The following PSMD4 variants were observed in gnomAD, a reference collection of about 807,000 sequenced individuals.
PSMD4 encodes 26S proteasome non-ATPase regulatory subunit 4.
A neutral mutation model predicts 39.7 loss-of-function variants in PSMD4; 5 were observed. The ratio of observed to expected loss-of-function variants is 0.13; its 90% CI spans 0.07 to 0.26. The LOEUF is 0.26. PSMD4 is among the 10% of genes least tolerant of loss of function. The pLI, the probability that PSMD4 is intolerant of heterozygous loss-of-function variation, is 1.00. For synonymous variants in PSMD4, 143 were observed against 174.6 expected (o/e 0.82, Z 1.43); for missense variants, 272 against 486.1 (o/e 0.56, Z 4.14).
At chr1:151,262,598 G>C (rs1223893210) in intron 2 of PSMD4, 3 of 336,162 alleles carry the variant, frequency 8.9e-6, no homozygotes, top group African/African-American at 2.1e-5. Context: ...TTTTGGGCTG[G>C]GCACAGTGGC....
At chr1:151,256,513 A>C (rs1693174772) in intron 1 of PSMD4, among the ~76,000 whole-genome samples, 1 of 139,960 alleles carries the variant, frequency 7.1e-6, no homozygotes, top group African/African-American at 2.7e-5. Context: ...ATCTCAGCTC[A>C]CTGCAACCTC....
At chr1:151,256,449 T>C (rs1324471650) in intron 1 of PSMD4, among the ~76,000 whole-genome samples, 2 of 149,580 alleles carry the variant, frequency 1.3e-5, no homozygotes, top group African/African-American at 2.4e-5. Context: ...TTTTTTTTTT[T>C]CTCTTTGAGA....
Position 151,264,009 on chromosome 1 carries a change from C to T in PSMD4, c.263C>T (p.Thr88Met), listed in dbSNP as rs761401984. The T allele has an allele frequency of 6.3e-6, 10 of 1,599,594 alleles. No individual in the cohort carries two copies. Among genetic ancestry groups the T allele is most frequent in the African/African-American group, 1.3e-5 (1 of 74,402 alleles). Reference sequence around the variant, plus strand: ...CCCAAGGGCAAGATCACCTTCTGCACGGGCATCCGCGTGGCCCATGTGAGT... The same window carrying T: ...CCCAAGGGCAAGATCACCTTCTGCATGGGCATCCGCGTGGCCCATGTGAGT... ...VQPKGKITFC[T>M]GIRVAHLALK... Residue 88 changes from threonine (T) to methionine (M), a missense_variant, in exon 3 of 10, where the codon ACG becomes ATG. By Grantham distance (81) the Thr-to-Met change is moderately conservative. Coordinates refer to ENST00000368884, the MANE Select transcript of PSMD4 (RefSeq NM_002810.4).
chr1:151,254,833 G>T, intron 1 of PSMD4, 25 bp downstream of exon 1: 5 of 1,500,142 alleles, frequency 3.3e-6, no homozygotes, highest in Non-Finnish European at 4.4e-6. Flanking sequence ...CGGGGCAGGA[G>T]GGGCAGAGCT....
rs955855484 is a variant in PSMD4 at position 151,263,824 on chromosome 1, C to T, written c.168-90C>T. The T allele has an allele frequency of 1.4e-5, 13 of 925,980 alleles. No individual in the cohort carries two copies. The East Asian group carries it at 1.8e-4, about 13-fold the overall frequency. 57.4% of individuals were successfully genotyped at this position (925,980 alleles called of 1,614,324 possible). On this transcript the variant is annotated intron_variant, in intron 2 of 9. Transcript: ENST00000368884. ...CAGCCTGGGTGACAGAGTGAGACTC[C>T]GTCTAAAAAATAAATAAATAAAAGT...
chr1:151,259,220 A>G (rs1468876333), intron 1 of PSMD4: 2 of 152,158 alleles, frequency 1.3e-5, no homozygotes, highest in Non-Finnish European at 2.9e-5. Context: ...TACCCTAGAC[A>G]GGTTGAGTAT....
chr1:151,254,888 G>A, intron 1 of PSMD4, 80 bp downstream of exon 1: 1 of 1,288,678 alleles, frequency 7.8e-7, no homozygotes, highest in Non-Finnish European at 1.0e-6. Context: ...GGCCTGGGGT[G>A]GGGGCCAGGG....
At chr1:151,257,156 A>G (rs1340367754) in intron 1 of PSMD4, among the ~76,000 whole-genome samples, 1 of 152,228 alleles carries the variant, frequency 6.6e-6, no homozygotes. Context: ...TCTTCTGCAT[A>G]TGGCTAGCCT....
rs758283420 is a variant in PSMD4, at chr1:151,256,355, AATAAT to A, written c.26+1549_26+1553del. On this transcript the variant is annotated intron_variant, in intron 1 of 9. Transcript: ENST00000368884. Reference sequence around the variant, plus strand: ...TGAGACTCCCTCTCAAAAAAAAAAAAATAATAATAAAATAAATAAATAAATAAATA... The same window carrying A: ...TGAGACTCCCTCTCAAAAAAAAAAAAAATAAAATAAATAAATAAATAAATA... Among the ~76,000 whole-genome samples the A allele has an allele frequency of 2.2e-3, 156 of 72,042 alleles. 12 individuals carry two copies. Among genetic ancestry groups the A allele is most frequent in the South Asian group, 0.018 (43 of 2,396 alleles). The allele number at this position is 72,042 out of a possible 152,430, so 47.3% of individuals were successfully genotyped here.
At chr1:151,257,120 G>C (rs1693193621) in intron 1 of PSMD4, among the ~76,000 whole-genome samples, 1 of 152,204 alleles carries the variant, frequency 6.6e-6, no homozygotes, top group Admixed American at 6.5e-5. Context: ...TTTTGTGTAT[G>C]GTATAAGAAA....
chr1:151,256,360 T>TA (rs1558319332), intron 1 of PSMD4, among the ~76,000 whole-genome samples: 47 of 51,078 alleles, frequency 9.2e-4, no homozygotes, highest in African/African-American at 3.6e-3. Flanking sequence ...AAAAAAATAA[T>TA]AATAAAATAA....
chr1:151,255,450 G>C (rs1338692217), intron 1 of PSMD4, among the ~76,000 whole-genome samples: 3 of 152,158 alleles, frequency 2.0e-5, no homozygotes, highest in African/African-American at 4.8e-5. Flanking sequence ...TGACACAAAG[G>C]CTTTATCCGG....
In PSMD4 at chr1:151,266,203, G is replaced by T. The variant is rs760817171; in HGVS notation, c.763+91G>T. Reference sequence around the variant, plus strand: ...CACTGCAGGGAGAGTGTGGAGGTCTGACAGGGTAGGAATATGTGGGAGGGC... The same window carrying T: ...CACTGCAGGGAGAGTGTGGAGGTCTTACAGGGTAGGAATATGTGGGAGGGC... On this transcript the variant is annotated intron_variant, in intron 7 of 9. Transcript: ENST00000368884. 2.5e-6 allele frequency: 4 copies of T among 1,593,472 alleles called. No homozygotes were observed. The South Asian group carries it at 3.5e-5, about 14-fold the overall frequency.
At chr1:151,260,193 C>G (rs1256193020) in intron 1 of PSMD4, among the ~76,000 whole-genome samples, 3 of 150,326 alleles carry the variant, frequency 2.0e-5, no homozygotes, top group Non-Finnish European at 4.4e-5. Flanking sequence ...GAGCGAAACT[C>G]TGTCTCAAAA....
chr1:151,254,954 T>C (rs1481512894), intron 1 of PSMD4, 146 bp downstream of exon 1: 24 of 1,045,940 alleles, frequency 2.3e-5, no homozygotes, highest in Non-Finnish European at 3.1e-5. Context: ...CTGGACTCCC[T>C]GAGTCATCCC....
intron 2 of PSMD4, 166 bp downstream of exon 2, chr1:151,262,467 T>A: frequency 1.3e-6 from 1 of 786,856 alleles, no homozygotes; most frequent in Non-Finnish European, 2.1e-6. Context: ...AACCTGTATT[T>A]AATGTAGTAC....
chr1:151,264,928 A>G lies in PSMD4; in HGVS notation c.369+10A>G. The G allele has an allele frequency of 1.2e-6, 2 of 1,603,360 alleles. No homozygotes were observed. Among genetic ancestry groups the G allele is most frequent in the South Asian group, 1.1e-5 (1 of 90,142 alleles). ...GGACAATGAGAAGGATGTGAGTCCA[A>G]GTGGCAGCTGGGGAATGTGGGGAGC... On this transcript the variant is annotated intron_variant, in intron 4 of 9. Coordinates refer to ENST00000368884, the MANE Select transcript of PSMD4 (RefSeq NM_002810.4).
intron 1 of PSMD4, among the ~76,000 whole-genome samples, chr1:151,260,868 TG>T (rs1693300366): frequency 6.7e-6 from 1 of 149,636 alleles, no homozygotes; most frequent in Non-Finnish European, 1.5e-5. Context: ...TTTTTTTTGA[TG>T]GAGTCTCACT....
At chr1:151,265,895 A>G in intron 6 of PSMD4, 109 bp from the exon 7 acceptor site, 3 of 1,392,766 alleles carry the variant, frequency 2.2e-6, no homozygotes, top group Non-Finnish European at 9.6e-7. Context: ...TCTGTGTGAT[A>G]AACCAGAAGC....
Sources: allele counts gnomAD v4.1 joint callset (sites outside exome capture counted in the v4.1 genomes callset), GRCh38; gene constraint gnomAD v4.1.1; transcripts MANE v1.5; gene names NCBI Gene and HGNC (gene_info 2026-07-23, HGNC 2026-07-21).